SYT1: variants seen among roughly 807,000 people sequenced by gnomAD.
SYT1 encodes the protein synaptotagmin 1.
SYT1 carries 8 observed loss-of-function variants against 44.8 expected under a neutral mutation model. The ratio of observed to expected loss-of-function variants is 0.18; its 90% CI spans 0.10 to 0.32. The LOEUF (loss-of-function observed/expected upper bound fraction) is 0.32. Among genes scored for constraint, SYT1 ranks in the 10% least tolerant of loss-of-function variants. The pLI is 1.00. For synonymous variants in SYT1, 154 were observed against 188.8 expected, an observed-to-expected ratio of 0.82 and a Z score of 1.51; for missense variants, 286 against 509.3, an observed-to-expected ratio of 0.56 and a Z score of 4.22.
intron 2 of SYT1, among the ~76,000 whole-genome samples, chr12:79,008,493 G>T (rs776005609): frequency 7.2e-5 from 11 of 152,096 alleles, no homozygotes; most frequent in African/African-American, 2.4e-4. Flanking sequence ...TCTGGCTATT[G>T]GGTAGCATAT....
rs34951756 is a variant in SYT1, at chr12:79,314,168, C to CAAA, written c.810+14640_810+14642dup. 6.0e-3 allele frequency among the ~76,000 whole-genome samples: 402 copies of CAAA among 67,262 alleles called. 11 individuals carry two copies. The highest frequency in any genetic ancestry group is 0.024 in the African/African-American group (375 of 15,902). 44.1% of individuals were successfully genotyped at this position (67,262 alleles called of 152,430 possible). ...TGGGCGACAGAGCGAGACTCCGTCT[C>CAAA]AAAAAAAAAAAAAAAAAAAAAAAAA... On this transcript the variant is annotated intron_variant, in intron 8 of 10. Transcript: ENST00000261205.
At chr12:79,150,663 C>T (rs1870216241) in intron 3 of SYT1, among the ~76,000 whole-genome samples, 1 of 152,054 alleles carries the variant, frequency 6.6e-6, no homozygotes, top group Non-Finnish European at 1.5e-5. Context: ...GATAGTCATG[C>T]CAAGGTGCAG....
chr12:79,315,312 G>A (rs961842997), intron 8 of SYT1, among the ~76,000 whole-genome samples: 3 of 152,112 alleles, frequency 2.0e-5, no homozygotes, highest in Non-Finnish European at 4.4e-5. Context: ...CCAAACCCAA[G>A]CAATCCTTTC....
At chr12:79,079,405 C>T (rs1876877643) in intron 3 of SYT1, among the ~76,000 whole-genome samples, 4 of 152,036 alleles carry the variant, frequency 2.6e-5, no homozygotes, top group Admixed American at 2.6e-4. Context: ...AGAAGATTGA[C>T]ATGTATTTGT....
At chr12:79,034,127 C>A (rs1872980145) in intron 2 of SYT1, among the ~76,000 whole-genome samples, 1 of 151,430 alleles carries the variant, frequency 6.6e-6, no homozygotes, top group African/African-American at 2.4e-5. Flanking sequence ...ATATAAGAAT[C>A]ATGCTGTTCA....
intron 2 of SYT1, among the ~76,000 whole-genome samples, chr12:79,039,389 C>G (rs192861401): frequency 1.5e-4 from 23 of 151,926 alleles, no homozygotes; most frequent in Non-Finnish European, 2.9e-4. Flanking sequence ...CAGTTAATAC[C>G]AATTACATTA....
chr12:78,927,067 G>C (rs1353765779), intron 1 of SYT1, among the ~76,000 whole-genome samples: 1 of 152,000 alleles, frequency 6.6e-6, no homozygotes, highest in Non-Finnish European at 1.5e-5. Context: ...ACATTTCTGA[G>C]GTCTCATCTT....
chr12:78,887,854 A>T (rs1874832689), intron 1 of SYT1, among the ~76,000 whole-genome samples: 1 of 151,892 alleles, frequency 6.6e-6, no homozygotes, highest in Admixed American at 6.6e-5. Context: ...ACTTGTTTTA[A>T]AAACCTGATT....
At chr12:79,074,320 G>A (rs896967185) in intron 3 of SYT1, among the ~76,000 whole-genome samples, 5 of 152,102 alleles carry the variant, frequency 3.3e-5, no homozygotes, top group Admixed American at 2.6e-4. Context: ...GCCCCAACAT[G>A]TGTATTCAGT....
At position 79,257,044 on chromosome 12, in the gene SYT1, A is replaced by C. The variant is rs145935786; in HGVS notation, c.167-28743A>C. ...TGTGTGTTTATGGCCAAGATAAATG[A>C]TCTTAAAGATGTAGGGCACAAAAGA... On this transcript the variant is annotated intron_variant, in intron 4 of 10. Coordinates refer to ENST00000261205, the MANE Select transcript of SYT1 (RefSeq NM_005639.3). Among the ~76,000 whole-genome samples the C allele has an allele frequency of 4.4e-3, 669 of 152,328 alleles. 6 individuals carry two copies. The highest frequency in any genetic ancestry group is 0.015 in the African/African-American group (633 of 41,572).
intron 9 of SYT1, among the ~76,000 whole-genome samples, chr12:79,403,933 A>C (rs2136119717): frequency 6.6e-6 from 1 of 152,284 alleles, no homozygotes. Flanking sequence ...GAATGACGCC[A>C]CCTAAGAAGT....
At chr12:79,006,940 A>AT (rs1474426372) in intron 2 of SYT1, among the ~76,000 whole-genome samples, 5 of 152,026 alleles carry the variant, frequency 3.3e-5, no homozygotes, top group African/African-American at 1.2e-4. Flanking sequence ...TGCTTTGTAA[A>AT]TTTTTTCCAG....
intron 8 of SYT1, among the ~76,000 whole-genome samples, chr12:79,308,591 GAAGA>G (rs1555216070): frequency 2.7e-5 from 3 of 110,516 alleles, no homozygotes; most frequent in East Asian, 3.5e-4. Context: ...GGAAAAGAAA[GAAGA>G]AAGAAAGAAA....
Position 78,931,034 on chromosome 12 carries a change from C to T in SYT1, c.-216-46765C>T, listed in dbSNP as rs560364542. 4.6e-5 allele frequency among the ~76,000 whole-genome samples: 7 copies of T among 150,958 alleles called. No individual in the cohort carries two copies. The East Asian group carries it at 7.8e-4, about 17-fold the overall frequency. Reference sequence around the variant, plus strand: ...TATTCAAGTCAGGCGCTGTGGCTCACGCGTGAAATCCCAGCTACTTGGGAG... The same window carrying T: ...TATTCAAGTCAGGCGCTGTGGCTCATGCGTGAAATCCCAGCTACTTGGGAG... On this transcript the variant is annotated intron_variant, in intron 1 of 10. Coordinates refer to ENST00000261205, the MANE Select transcript of SYT1 (RefSeq NM_005639.3).
At chr12:78,958,702 A>G (rs988499669) in intron 1 of SYT1, among the ~76,000 whole-genome samples, 2 of 142,648 alleles carry the variant, frequency 1.4e-5, no homozygotes, top group Non-Finnish European at 3.0e-5. Context: ...TCTGAAGAGA[A>G]AAAAAAAAAA....
intron 1 of SYT1, among the ~76,000 whole-genome samples, chr12:78,900,141 A>G (rs1295445916): frequency 6.6e-6 from 1 of 152,140 alleles, no homozygotes; most frequent in Non-Finnish European, 1.5e-5. Context: ...TGATAATTAT[A>G]TTTCCATAGT....
At chr12:79,387,938 G>C (rs1177693122) in intron 9 of SYT1, among the ~76,000 whole-genome samples, 1 of 152,184 alleles carries the variant, frequency 6.6e-6, no homozygotes, top group African/African-American at 2.4e-5. Context: ...AGAATGGTTT[G>C]ATCAATACAT....
chr12:79,203,066 T>C lies in SYT1; in HGVS notation c.-17-14437T>C, dbSNP rs1379221713. ...AGCAACAAGGCAAGTTAGCTTCGCC[T>C]AGTAGATAATAAGCCTATGGAAAAA... On this transcript the variant is annotated intron_variant, in intron 3 of 10. Transcript: ENST00000261205. Among the ~76,000 whole-genome samples, 4 of 145,956 alleles carry C rather than the reference T, an allele frequency of 2.7e-5. No homozygotes were observed. In the Admixed American group the frequency reaches 2.8e-4, roughly 10 times the overall value.
chr12:79,183,369 T>C (rs1872644509), intron 3 of SYT1, among the ~76,000 whole-genome samples: 1 of 152,016 alleles, frequency 6.6e-6, no homozygotes, highest in South Asian at 2.1e-4. Context: ...CCAGTGGTTC[T>C]CAACCAGGGA....
Sources: gnomAD v4.1 joint callset for allele counts (sites outside exome capture counted in the v4.1 genomes callset) on GRCh38, gnomAD v4.1.1 for gene constraint, MANE v1.5 for transcripts, NCBI Gene and HGNC (gene_info 2026-07-23, HGNC 2026-07-21) for gene names.